The following PRICKLE2 variants were observed in gnomAD, a reference collection of about 807,000 sequenced individuals.
PRICKLE2 encodes the protein prickle planar cell polarity protein 2.
In PRICKLE2, 21 loss-of-function variants were observed where a neutral mutation model predicts 81.4. The observed-to-expected ratio is 0.26, with a 90% CI of 0.18 to 0.37. The LOEUF is 0.37. Ranked by LOEUF, PRICKLE2 falls within the 10% of genes least tolerant of loss-of-function variation. The pLI is 1.00. For synonymous variants in PRICKLE2, 456 were observed against 421.5 expected (o/e 1.08, Z -1.00); for missense variants, 940 against 1,109.0 (o/e 0.85, Z 2.16).
At chr3:64,169,171 C>A (rs1186159538) in intron 2 of PRICKLE2, among the ~76,000 whole-genome samples, 1 of 152,042 alleles carries the variant, frequency 6.6e-6, no homozygotes, top group East Asian at 1.9e-4. Context: ...TAGCCAAGAC[C>A]TTTTTTTGCC....
At chr3:64,203,324 G>C (rs1223747652) in intron 1 of PRICKLE2, among the ~76,000 whole-genome samples, 1 of 152,154 alleles carries the variant, frequency 6.6e-6, no homozygotes, top group Non-Finnish European at 1.5e-5. Context: ...AGGTCTGTTG[G>C]GAAGCAGTCA....
intron 2 of PRICKLE2, among the ~76,000 whole-genome samples, chr3:64,168,941 G>A (rs1243601247): frequency 6.6e-6 from 1 of 151,966 alleles, no homozygotes; most frequent in Non-Finnish European, 1.5e-5. Flanking sequence ...CAACACCATG[G>A]CATGATGGTA....
chr3:64,239,821 T>C (rs1254762187), intron 2 of PRICKLE2, among the ~76,000 whole-genome samples: 1 of 151,904 alleles, frequency 6.6e-6, no homozygotes, highest in Non-Finnish European at 1.5e-5. Flanking sequence ...TGTTCTTAAA[T>C]TTTCCATGTA....
chr3:64,168,292 T>C (rs191964127), intron 2 of PRICKLE2, among the ~76,000 whole-genome samples: 5 of 152,292 alleles, frequency 3.3e-5, no homozygotes, highest in Admixed American at 6.5e-5. Flanking sequence ...ATATTTTGGC[T>C]TCCCTGGGCC....
At chr3:64,163,407 A>C in intron 2 of PRICKLE2, 1 of 485,260 alleles carries the variant, frequency 2.1e-6, no homozygotes, top group Non-Finnish European at 3.8e-6. Flanking sequence ...TTCAGCAGAC[A>C]TGCTGGTGAA....
At chr3:64,253,852 G>A (rs1487352646) in intron 2 of PRICKLE2, among the ~76,000 whole-genome samples, 2 of 152,212 alleles carry the variant, frequency 1.3e-5, no homozygotes, top group East Asian at 1.9e-4. Flanking sequence ...CGTGGAATGT[G>A]CATGAGATCC....
intron 7 of PRICKLE2, among the ~76,000 whole-genome samples, chr3:64,126,028 G>A (rs564282759): frequency 6.6e-6 from 1 of 152,194 alleles, no homozygotes; most frequent in Admixed American, 6.5e-5. Context: ...ATAGTCAATG[G>A]GGGGAGAGTA....
intron 7 of PRICKLE2, among the ~76,000 whole-genome samples, chr3:64,139,267 A>T (rs1204586294): frequency 6.6e-6 from 1 of 152,230 alleles, no homozygotes; most frequent in Non-Finnish European, 1.5e-5. Context: ...CCGTGTCTCC[A>T]CTTATTCAGG....
chr3:64,265,410 C>T lies in PRICKLE2; in HGVS notation c.129-66443G>A, dbSNP rs567556566. ...CTTCCTCTCATTGACATCAGAATAT[C>T]GCACAGAGTTTATATTCACCTAGCG... On this transcript the variant is annotated intron_variant, in intron 2 of 8. Coordinates refer to the PRICKLE2 transcript ENST00000295902. Among the ~76,000 whole-genome samples the T allele has an allele frequency of 3.3e-5, 5 of 152,270 alleles. No homozygotes were observed. In the East Asian group the frequency reaches 7.7e-4, roughly 24 times the overall value.
At chr3:64,267,286 T>G (rs2079725841) in intron 2 of PRICKLE2, among the ~76,000 whole-genome samples, 1 of 152,124 alleles carries the variant, frequency 6.6e-6, no homozygotes, top group Non-Finnish European at 1.5e-5. Flanking sequence ...CCTCTCCACC[T>G]ACCCCAATTC....
At chr3:64,208,816 G>A (rs568619709) in intron 1 of PRICKLE2, among the ~76,000 whole-genome samples, 1 of 152,176 alleles carries the variant, frequency 6.6e-6, no homozygotes, top group Non-Finnish European at 1.5e-5. Flanking sequence ...AAGGACCTAT[G>A]TCATCTGACT....
At chr3:64,263,227 T>C (rs1008951170) in intron 2 of PRICKLE2, among the ~76,000 whole-genome samples, 1 of 152,186 alleles carries the variant, frequency 6.6e-6, no homozygotes, top group African/African-American at 2.4e-5. Flanking sequence ...GTTTTCAAAA[T>C]GTGTTTAAAC....
intron 7 of PRICKLE2, among the ~76,000 whole-genome samples, chr3:64,113,406 CTGCTTAGAGGGCAGTCT>C (rs1036504078): frequency 6.6e-6 from 1 of 152,162 alleles, no homozygotes; most frequent in African/African-American, 2.4e-5. Context: ...CTGGCCACAC[CTGCTTAGAGGGCAGTCT>C]TGGGTACCTT....
intron 1 of PRICKLE2, among the ~76,000 whole-genome samples, chr3:64,201,423 T>C (rs1255094226): frequency 6.6e-6 from 1 of 152,238 alleles, no homozygotes; most frequent in African/African-American, 2.4e-5. Flanking sequence ...CTGTCTTCTT[T>C]TATTGTAGCT....
At chr3:64,155,565 T>G (rs2077621195) in intron 5 of PRICKLE2, among the ~76,000 whole-genome samples, 1 of 152,136 alleles carries the variant, frequency 6.6e-6, no homozygotes, top group African/African-American at 2.4e-5. Flanking sequence ...TAAAAATATA[T>G]GTACACACAG....
chr3:64,181,709 G>A (rs2078138015), intron 2 of PRICKLE2, among the ~76,000 whole-genome samples: 1 of 152,188 alleles, frequency 6.6e-6, no homozygotes, highest in Non-Finnish European at 1.5e-5. Context: ...AGTGAAGGGA[G>A]CAAAGATGTG....
intron 7 of PRICKLE2, chr3:64,102,679 C>T (rs1333939606): frequency 6.6e-6 from 1 of 152,190 alleles, no homozygotes; most frequent in Admixed American, 6.5e-5. Context: ...ATCCCCACCC[C>T]CTGGCCCCAG....
Position 64,147,306 on chromosome 3 carries a change from C to T in PRICKLE2, c.1184G>A (p.Arg395Lys), listed in dbSNP as rs772212890. The T allele has an allele frequency of 3.1e-6, 5 of 1,613,908 alleles. No homozygotes were observed. Among genetic ancestry groups the T allele is most frequent in the Non-Finnish European group, 8.5e-7 (1 of 1,179,818 alleles). ...ATAATGGTAGGGCTCTTCCCGGCTC[C>T]TCCAGATGGGGTCCCGGTTGAGGCT... ...TPSLNRDPIW[R>K]SREEPYHYGN... The change falls in exon 7 of 8, where the codon AGG becomes AAG. Residue 395 changes from arginine (R) to lysine (K), a missense_variant. Physicochemically the swap from Arg to Lys is conservative, Grantham distance 26. Transcript: ENST00000638394. This position sits in a 1 kb window ranked among gnomAD's most constrained non-coding sequence, Gnocchi z 5.0.
At chr3:64,114,028 G>T (rs895527719) in intron 7 of PRICKLE2, among the ~76,000 whole-genome samples, 2 of 152,088 alleles carry the variant, frequency 1.3e-5, no homozygotes. Context: ...TCCAAATGTC[G>T]CAGAGCCAGA....
Sources: gnomAD v4.1 joint callset for allele counts (sites outside exome capture counted in the v4.1 genomes callset) on GRCh38, gnomAD v4.1.1 for gene constraint, Gnocchi (gnomAD v3.1) non-coding constraint, MANE v1.5 for transcripts, NCBI Gene and HGNC (gene_info 2026-07-23, HGNC 2026-07-21) for gene names.